PCDHGB6: variants seen among roughly 807,000 people sequenced by gnomAD.
The protein encoded by PCDHGB6 is protocadherin gamma-B6.
PCDHGB6 carries 51 observed loss-of-function variants against 59.1 expected under a neutral mutation model. The ratio of observed to expected loss-of-function variants is 0.86; its 90% confidence interval spans 0.69 to 1.09. PCDHGB6 has a LOEUF of 1.09. PCDHGB6 is among the 50% of genes least tolerant of loss of function. The pLI is 0.00. For missense variants in PCDHGB6, 1,148 were observed against 1,205.1 expected (o/e 0.95, Z 0.70); for synonymous variants, 466 against 495.1 (o/e 0.94, Z 0.78).
intron 1 of PCDHGB6, among the ~76,000 whole-genome samples, chr5:141,454,649 G>A (rs1202153817): frequency 6.6e-6 from 1 of 151,800 alleles, no homozygotes; most frequent in Non-Finnish European, 1.5e-5. Context: ...CAGGTGATCT[G>A]CCCACCTCGG....
chr5:141,423,755 G>GC (rs542747697), intron 1 of PCDHGB6: 5,773 of 512,484 alleles, frequency 0.011, 63 homozygotes, highest in Non-Finnish European at 0.014. Context: ...CTGTTTGGGG[G>GC]GGGGGTGGGG....
chr5:141,441,179 C>G (rs150511376), intron 1 of PCDHGB6: 13 of 152,210 alleles, frequency 8.5e-5, no homozygotes, highest in South Asian at 2.1e-4. Context: ...ACTTCTAATT[C>G]CACAATGATT....
chr5:141,432,706 C>G lies in PCDHGB6; in HGVS notation c.2418+22086C>G, dbSNP rs761752571. The G allele has an allele frequency of 6.2e-7, 1 of 1,613,988 alleles. No homozygotes were observed. Among genetic ancestry groups the G allele is most frequent in the African/African-American group, 1.3e-5 (1 of 75,072 alleles). Reference sequence around the variant, plus strand: ...GCCTCGTAGTGGCCGTCCAGGACCACGGCCAGCCCCCTCTCTCCGCCACTG... The same window carrying G: ...GCCTCGTAGTGGCCGTCCAGGACCAGGGCCAGCCCCCTCTCTCCGCCACTG... On this transcript the variant is annotated intron_variant, in intron 1 of 3. Transcript: ENST00000520790. The surrounding 1 kb of genome is among the most constrained non-coding windows in gnomAD (Gnocchi z 6.0).
At chr5:141,463,438 C>CTTTTTTT (rs71576115) in intron 1 of PCDHGB6, among the ~76,000 whole-genome samples, 6 of 103,252 alleles carry the variant, frequency 5.8e-5, no homozygotes, top group African/African-American at 1.3e-4. Flanking sequence ...TTTCCTTCTC[C>CTTTTTTT]TTTTTTTTTT....
At chr5:141,478,941 A>C (rs889484528) in intron 1 of PCDHGB6, 9 of 589,470 alleles carry the variant, frequency 1.5e-5, no homozygotes, top group Non-Finnish European at 2.0e-5. Context: ...TTCTAGGAAT[A>C]CAAAAACTAC....
intron 1 of PCDHGB6, chr5:141,419,693 A>G (rs1241615790): frequency 6.2e-7 from 1 of 1,612,884 alleles, no homozygotes; most frequent in Non-Finnish European, 8.5e-7. Flanking sequence ...GGTGCAGGCC[A>G]GTGAGCCCGG....
chr5:141,438,063 A>T (rs540817874), intron 1 of PCDHGB6, among the ~76,000 whole-genome samples: 1 of 152,106 alleles, frequency 6.6e-6, no homozygotes, highest in Non-Finnish European at 1.5e-5. Context: ...CTTTTAAGAA[A>T]CCATACTTAA....
intron 1 of PCDHGB6, among the ~76,000 whole-genome samples, chr5:141,474,082 C>CA (rs1449032579): frequency 1.3e-5 from 2 of 152,064 alleles, no homozygotes; most frequent in African/African-American, 4.8e-5. Context: ...AAACAAAAAC[C>CA]AAAAAACAAA....
At chr5:141,427,707 T>C in intron 1 of PCDHGB6, 1 of 1,011,828 alleles carries the variant, frequency 9.9e-7, no homozygotes, top group Non-Finnish European at 1.5e-6. Context: ...AGTCAGCGCC[T>C]CTGACCTGGA....
At chr5:141,418,308 T>G in intron 1 of PCDHGB6, 6 of 1,613,946 alleles carry the variant, frequency 3.7e-6, no homozygotes, top group Non-Finnish European at 5.1e-6. Flanking sequence ...AGCCTGGGGA[T>G]GGGAACAATT....
chr5:141,475,297 T>C lies in PCDHGB6; in HGVS notation c.2419-19510T>C, dbSNP rs187277570. Among the ~76,000 whole-genome samples the C allele has an allele frequency of 6.5e-4, 99 of 152,360 alleles. 2 individuals are homozygous for C. Among genetic ancestry groups the C allele is most frequent in the African/African-American group, 2.3e-3 (96 of 41,586 alleles). ...TGAAAGACAGGGTAGGGAAATTTCT[T>C]ATTGCTCCCTGGTTCTTAAGAAATG... On this transcript the variant is annotated intron_variant, in intron 1 of 3. Transcript: ENST00000520790.
intron 1 of PCDHGB6, among the ~76,000 whole-genome samples, chr5:141,492,745 C>G (rs2099743569): frequency 6.6e-6 from 1 of 152,262 alleles, no homozygotes; most frequent in Non-Finnish European, 1.5e-5. Flanking sequence ...GTGGCCGAGG[C>G]GCGGCAGGGC....
Position 141,476,441 on chromosome 5 carries a change from GAGTTGGT to G in PCDHGB6, c.2419-18362_2419-18356del. 3 of 1,614,160 alleles carry G rather than the reference GAGTTGGT, an allele frequency of 1.9e-6. No homozygotes were observed. The South Asian group carries it at 3.3e-5, about 18-fold the overall frequency. ...ACTGCCCTCTTGCACTGTAACTCTG[GAGTTGGT>G]AGTGGAGAACCCGCTGGAGCTGTTC... On this transcript the variant is annotated intron_variant, in intron 1 of 3. Transcript: ENST00000520790. The surrounding 1 kb of genome is among the most constrained non-coding windows in gnomAD (Gnocchi z 7.6).
At chr5:141,448,305 A>C (rs910461420) in intron 1 of PCDHGB6, among the ~76,000 whole-genome samples, 1 of 152,092 alleles carries the variant, frequency 6.6e-6, no homozygotes, top group East Asian at 1.9e-4. Context: ...TTAATATCTC[A>C]AGGAATCTTT....
In PCDHGB6 at chr5:141,476,255, G is replaced by A. The variant is rs767691159; in HGVS notation, c.2419-18552G>A. 6.2e-7 allele frequency: 1 copy of A among 1,614,090 alleles called. No individual in the cohort carries two copies. Among genetic ancestry groups the A allele is most frequent in the Admixed American group, 1.7e-5 (1 of 60,022 alleles). ...GGAGGAAAGAGAGAAGGGTTTCGCT[G>A]TGGGCAACGTGGTCGCGAACCTTGG... On this transcript the variant is annotated intron_variant, in intron 1 of 3. Transcript: ENST00000520790. The surrounding 1 kb of genome is among the most constrained non-coding windows in gnomAD (Gnocchi z 7.6).
chr5:141,468,528 G>A (rs2154569956), intron 1 of PCDHGB6: 1 of 152,056 alleles, frequency 6.6e-6, no homozygotes, highest in South Asian at 2.1e-4. Context: ...TTTTTTGCAG[G>A]TAGTTTCCTG....
intron 1 of PCDHGB6, among the ~76,000 whole-genome samples, chr5:141,445,892 T>C (rs2154561169): frequency 6.6e-6 from 1 of 152,346 alleles, no homozygotes; most frequent in African/African-American, 2.4e-5. Context: ...TTAGGAGCTA[T>C]TAAAATATTT....
At chr5:141,445,364 C>T (rs1374418361) in intron 1 of PCDHGB6, among the ~76,000 whole-genome samples, 1 of 152,158 alleles carries the variant, frequency 6.6e-6, no homozygotes, top group African/African-American at 2.4e-5. Flanking sequence ...CAAGTCTGGT[C>T]CTGGGTGGTT....
chr5:141,434,789 T>C (rs2097718008), intron 1 of PCDHGB6, among the ~76,000 whole-genome samples: 1 of 152,008 alleles, frequency 6.6e-6, no homozygotes, highest in African/African-American at 2.4e-5. Context: ...AAAAAATTTT[T>C]TTTTCTGAGC....
Sources: allele counts gnomAD v4.1 joint callset (sites outside exome capture counted in the v4.1 genomes callset), GRCh38; gene constraint gnomAD v4.1.1; non-coding constraint Gnocchi (gnomAD v3.1); transcripts MANE v1.5; gene names NCBI Gene and HGNC (gene_info 2026-07-23, HGNC 2026-07-21).